The following ARHGEF9 variants were observed in gnomAD, a reference collection of about 807,000 sequenced individuals.
The protein encoded by ARHGEF9 is Cdc42 guanine nucleotide exchange factor 9, also known as rho guanine nucleotide exchange factor 9.
In ARHGEF9, 2 loss-of-function variants were observed where a neutral mutation model predicts 41.3. That is an observed-to-expected ratio of 0.05 (90% CI 0.02 to 0.15). The LOEUF is 0.15. ARHGEF9 is among the 10% of genes least tolerant of loss of function. The pLI is 1.00. For synonymous variants in ARHGEF9, 160 were observed against 154.4 expected, an observed-to-expected ratio of 1.04 and a Z score of -0.27; for missense variants, 225 against 424.7, an observed-to-expected ratio of 0.53 and a Z score of 4.13.
At chrX:63,752,008 T>TG (rs1408435067) in intron 1 of ARHGEF9, among the ~76,000 whole-genome samples, 2 of 111,799 alleles carry the variant, frequency 1.8e-5, no homozygotes, top group Admixed American at 1.9e-4. Flanking sequence ...CTTCTCCCCT[T>TG]GGGGGAAAAA....
intron 1 of ARHGEF9, among the ~76,000 whole-genome samples, chrX:63,761,796 A>C (rs1181100905): frequency 2.7e-5 from 3 of 111,701 alleles, no homozygotes; most frequent in Non-Finnish European, 5.6e-5. Flanking sequence ...CCCAGGAAAC[A>C]GCAGTTTCCT....
intron 8 of ARHGEF9, among the ~76,000 whole-genome samples, chrX:63,646,254 T>C (rs1408867135): frequency 5.3e-5 from 6 of 112,177 alleles, no homozygotes; most frequent in African/African-American, 1.9e-4. Flanking sequence ...TTTGTCAATT[T>C]TGGCTTTTGT....
At chrX:63,725,359 C>T (rs1322996082) in intron 1 of ARHGEF9, among the ~76,000 whole-genome samples, 1 of 112,010 alleles carries the variant, frequency 8.9e-6, no homozygotes, top group Non-Finnish European at 1.9e-5. Context: ...AGCACACATT[C>T]TCTCAGTGAT....
At chrX:63,646,732 T>C (rs1253137140) in intron 8 of ARHGEF9, among the ~76,000 whole-genome samples, 2 of 112,165 alleles carry the variant, frequency 1.8e-5, no homozygotes, top group Admixed American at 1.9e-4. Flanking sequence ...TGGTTCCATA[T>C]GAACTTTAAA....
At chrX:63,657,500 T>C (rs1220623108) in intron 7 of ARHGEF9, 1 of 111,884 alleles carries the variant, frequency 8.9e-6, no homozygotes, top group Non-Finnish European at 1.9e-5. Context: ...ATAACAATCA[T>C]GTTACTTTTT....
In ARHGEF9 at chrX:63,637,990, T is replaced by C. The variant is rs782288322; in HGVS notation, c.*38A>G. On this transcript the variant is annotated 3_prime_UTR_variant, in exon 10 of 10. Transcript: ENST00000671741. ...AGGTCCATCTATAAATATAATTTTA[T>C]TTACTTTATTTTAAAATTATCTGCC... 2.6e-6 allele frequency: 3 copies of C among 1,132,607 alleles called. No individual in the cohort carries two copies. Among genetic ancestry groups the C allele is most frequent in the East Asian group, 3.3e-5 (1 of 30,495 alleles). The allele number at this position is 1,132,607 out of a possible 1,213,427, so 93.3% of individuals were successfully genotyped here. A position where few individuals can be genotyped will look rare whatever the true frequency, so the allele number is the denominator to read the frequency against.
At chrX:63,647,922 C>G (rs782407696) in intron 8 of ARHGEF9, among the ~76,000 whole-genome samples, 1 of 111,225 alleles carries the variant, frequency 9.0e-6, no homozygotes, top group South Asian at 3.8e-4. Flanking sequence ...TGTAAACGAA[C>G]AAAGCCTCCA....
intron 1 of ARHGEF9, among the ~76,000 whole-genome samples, chrX:63,727,990 T>C (rs1556418097): frequency 1.3e-4 from 14 of 111,390 alleles, no homozygotes; most frequent in Non-Finnish European, 1.9e-5. Context: ...ACCTATAAAA[T>C]GGGGATAATT....
intron 9 of ARHGEF9, chrX:63,641,502 G>A (rs1490235490): frequency 4.5e-5 from 5 of 111,945 alleles, no homozygotes; most frequent in Non-Finnish European, 9.4e-5. Flanking sequence ...GAATGGCCTG[G>A]AGATACATAG....
chrX:63,782,357 C>A (rs1200546291), intron 1 of ARHGEF9, among the ~76,000 whole-genome samples: 1 of 111,979 alleles, frequency 8.9e-6, no homozygotes, highest in Non-Finnish European at 1.9e-5. Context: ...GACTGAGAAA[C>A]ATAAAAGCCG....
Position 63,743,867 on chromosome X carries a change from C to A in ARHGEF9, c.31-19156G>T, listed in dbSNP as rs2055109528. On this transcript the variant is annotated intron_variant, in intron 1 of 9. Coordinates refer to ENST00000671741, the MANE Select transcript of ARHGEF9 (RefSeq NM_001353921.2). The stretch of plus-strand genomic sequence containing the variant: ...CTTCATAGCAGCGAGTGTGTGACTG[C>A]ATGGGAAATGGAGCTTGGGATAAAT... Among the ~76,000 whole-genome samples, 3 of 111,874 alleles carry A rather than the reference C, an allele frequency of 2.7e-5. 1 individual carries two copies. The South Asian group carries it at 1.1e-3, about 42-fold the overall frequency.
chrX:63,698,504 C>A (rs1357555782), intron 3 of ARHGEF9, among the ~76,000 whole-genome samples: 2 of 111,514 alleles, frequency 1.8e-5, no homozygotes, highest in African/African-American at 6.5e-5. Flanking sequence ...TTGCTTTCAT[C>A]AAAAAGCTAA....
intron 7 of ARHGEF9, among the ~76,000 whole-genome samples, chrX:63,658,623 A>G (rs782730445): frequency 8.9e-6 from 1 of 111,940 alleles, no homozygotes; most frequent in Admixed American, 9.5e-5. Flanking sequence ...TCCACCAAAT[A>G]CAGCCCTGAG....
intron 1 of ARHGEF9, among the ~76,000 whole-genome samples, chrX:63,775,864 G>A (rs1366091585): frequency 3.6e-5 from 4 of 111,385 alleles, no homozygotes; most frequent in Non-Finnish European, 7.5e-5. Flanking sequence ...AAAATCAAAA[G>A]TACATTTAAA....
At chrX:63,675,600 C>T (rs1272053994) in intron 5 of ARHGEF9, among the ~76,000 whole-genome samples, 7 of 111,974 alleles carry the variant, frequency 6.3e-5, no homozygotes, top group African/African-American at 2.3e-4. Flanking sequence ...AACTATTTTA[C>T]TCTTGGCATA....
intron 2 of ARHGEF9, among the ~76,000 whole-genome samples, chrX:63,716,872 A>C (rs1263743728): frequency 8.9e-6 from 1 of 112,127 alleles, no homozygotes; most frequent in Non-Finnish European, 1.9e-5. Context: ...GACCTGCCCC[A>C]AATTCAAGTT....
intron 3 of ARHGEF9, among the ~76,000 whole-genome samples, chrX:63,702,150 AG>A (rs2052228222): frequency 8.9e-6 from 1 of 112,620 alleles, no homozygotes; most frequent in Non-Finnish European, 1.9e-5. Flanking sequence ...AGAGTGAGTG[AG>A]GAAAGCTAGG....
intron 7 of ARHGEF9, among the ~76,000 whole-genome samples, chrX:63,659,692 A>G (rs1221334795): frequency 1.8e-5 from 2 of 111,664 alleles, no homozygotes; most frequent in African/African-American, 6.5e-5. Context: ...TATTTCGCTC[A>G]CTACTATATT....
chrX:63,712,520 T>A (rs2053006593), intron 2 of ARHGEF9, among the ~76,000 whole-genome samples: 1 of 111,724 alleles, frequency 9.0e-6, no homozygotes, highest in South Asian at 3.7e-4. Context: ...GATATGTTAA[T>A]CATTCCACAA....
Sources: gnomAD v4.1 joint callset for allele counts (sites outside exome capture counted in the v4.1 genomes callset) on GRCh38, gnomAD v4.1.1 for gene constraint, MANE v1.5 for transcripts, NCBI Gene and HGNC (gene_info 2026-07-23, HGNC 2026-07-21) for gene names.